The following ME2 variants were observed in gnomAD, a reference collection of about 807,000 sequenced individuals.
ME2 encodes the protein NAD-dependent malic enzyme, mitochondrial.
In ME2, 60 loss-of-function variants were observed where a neutral mutation model predicts 73.7. The observed-to-expected ratio is 0.81, with a 90% confidence interval of 0.66 to 1.01. The LOEUF is 1.01. Ranked by LOEUF, ME2 falls within the 50% of genes least tolerant of loss-of-function variation. The pLI, the probability that ME2 is intolerant of heterozygous loss-of-function variation, is 0.00. For missense variants in ME2, 594 were observed against 705.5 expected, an observed-to-expected ratio of 0.84 and a Z score of 1.79; for synonymous variants, 199 against 236.9, an observed-to-expected ratio of 0.84 and a Z score of 1.47.
intron 2 of ME2, among the ~76,000 whole-genome samples, chr18:50,903,208 C>A (rs1916932286): frequency 6.6e-6 from 1 of 152,144 alleles, no homozygotes. Context: ...ACTAACCAGG[C>A]CATTCATTTT....
chr18:50,891,863 G>T lies in ME2; in HGVS notation c.-12-3946G>T, dbSNP rs1165410433. On this transcript the variant is annotated intron_variant, in intron 1 of 15. Transcript: ENST00000321341. ...GGGTCTCACTCTGTCATCCAGGCTG[G>T]AGTGCAATGGCACAGTCTCGGCTCA... 4.0e-5 allele frequency among the ~76,000 whole-genome samples: 6 copies of T among 151,250 alleles called. No homozygotes were observed. The East Asian group carries it at 1.2e-3, about 29-fold the overall frequency.
chr18:50,954,139 G>A lies in ME2; in HGVS notation c.*6955G>A, dbSNP rs1435435428. 6.6e-6 allele frequency: 1 copy of A among 152,204 alleles called. No homozygotes were observed. The highest frequency in any genetic ancestry group is 1.9e-4 in the East Asian group (1 of 5,206). 9.4% of individuals were successfully genotyped at this position (152,204 alleles called of 1,614,324 possible). On this transcript the variant is annotated 3_prime_UTR_variant, in exon 16 of 16. Transcript: ENST00000321341. ...ATACCAGATTGACTTGTTAAAAATGGTTCCAAGAATCAGTCTAAAAACTTC... is the reference window on the plus strand; with the variant it reads ...ATACCAGATTGACTTGTTAAAAATGATTCCAAGAATCAGTCTAAAAACTTC...
chr18:50,915,987 G>A (rs931855978), intron 4 of ME2, 181 bp from the exon 5 acceptor site: 25 of 528,960 alleles, frequency 4.7e-5, no homozygotes, highest in African/African-American at 4.3e-4. Flanking sequence ...GCTATGAACA[G>A]TAATTACAGT....
intron 2 of ME2, among the ~76,000 whole-genome samples, chr18:50,905,193 G>T (rs1040831289): frequency 1.3e-5 from 2 of 152,024 alleles, no homozygotes; most frequent in African/African-American, 4.8e-5. Flanking sequence ...TACCATGTTG[G>T]CCAGGATGGT....
At chr18:50,916,852 T>G (rs1224221723) in intron 5 of ME2, 1 of 152,378 alleles carries the variant, frequency 6.6e-6, no homozygotes, top group Non-Finnish European at 1.5e-5. Flanking sequence ...CTAGCAAAAA[T>G]TTGGTCAAAT....
rs556120958 is a variant in ME2 at position 50,952,636 on chromosome 18, A to G, written c.*5452A>G. The G allele has an allele frequency of 4.6e-5, 7 of 152,316 alleles. No homozygotes were observed. The East Asian group carries it at 1.4e-3, about 29-fold the overall frequency. The allele number at this position is 152,316 out of a possible 1,614,324, so 9.4% of individuals were successfully genotyped here. On this transcript the variant is annotated 3_prime_UTR_variant, in exon 16 of 16. Coordinates refer to ENST00000321341, the MANE Select transcript of ME2 (RefSeq NM_002396.5). ...ATTCCTCCATTCAGCACACTTTTTA[A>G]TGTTAAGACTAGGGGAAACTTGTGG...
In ME2 at chr18:50,950,266, C is replaced by G. The variant is rs970392100; in HGVS notation, c.*3082C>G. On this transcript the variant is annotated 3_prime_UTR_variant, in exon 16 of 16. Coordinates refer to ENST00000321341, the MANE Select transcript of ME2 (RefSeq NM_002396.5). ...GAAGTTGCCTCAGATCACTGTGAAG[C>G]TTTAAAATGCAGGTGCCTTTGCTCC... 6.6e-6 allele frequency: 1 copy of G among 152,092 alleles called. No homozygotes were observed. The highest frequency in any genetic ancestry group is 1.5e-5 in the Non-Finnish European group (1 of 68,030). 9.4% of individuals were successfully genotyped at this position (152,092 alleles called of 1,614,324 possible). A position where few individuals can be genotyped will look rare whatever the true frequency, so the allele number is the denominator to read the frequency against.
chr18:50,899,234 C>G (rs1483387838), intron 2 of ME2, among the ~76,000 whole-genome samples: 1 of 152,152 alleles, frequency 6.6e-6, no homozygotes, highest in Non-Finnish European at 1.5e-5. Context: ...CATTCCCTAC[C>G]CCCTGAAATA....
At chr18:50,883,919 A>T (rs1599080668) in intron 1 of ME2, among the ~76,000 whole-genome samples, 1 of 152,174 alleles carries the variant, frequency 6.6e-6, no homozygotes, top group East Asian at 1.9e-4. Context: ...GTCATTCAAA[A>T]TTCGAATCCC....
chr18:50,918,810 A>G (rs181216512), intron 7 of ME2, among the ~76,000 whole-genome samples: 1 of 151,270 alleles, frequency 6.6e-6, no homozygotes, highest in African/African-American at 2.4e-5. Context: ...ACCTTTATGC[A>G]TGTTACTACT....
intron 4 of ME2, 80 bp downstream of exon 4, chr18:50,913,030 A>G (rs1204116840): frequency 7.8e-7 from 1 of 1,274,852 alleles, no homozygotes; most frequent in Non-Finnish European, 1.1e-6. Context: ...TTACATTTCT[A>G]TTTTATGTTT....
rs1419926416 is a variant in ME2 at position 50,952,751 on chromosome 18, CGTT to C, written c.*5569_*5571del. On this transcript the variant is annotated 3_prime_UTR_variant, in exon 16 of 16. Coordinates refer to ENST00000321341, the MANE Select transcript of ME2 (RefSeq NM_002396.5). ...GTTTTAAGTATATATTCAAGCAAAT[CGTT>C]GATTCCTATACAGCCATTGGATTAT... The C allele has an allele frequency of 6.6e-6, 1 of 152,148 alleles. No individual in the cohort carries two copies. Among genetic ancestry groups the C allele is most frequent in the Non-Finnish European group, 1.5e-5 (1 of 68,022 alleles). 9.4% of individuals were successfully genotyped at this position (152,148 alleles called of 1,614,324 possible).
chr18:50,897,765 C>CA (rs891741863), intron 2 of ME2, among the ~76,000 whole-genome samples: 27 of 151,886 alleles, frequency 1.8e-4, no homozygotes, highest in African/African-American at 6.0e-4. Flanking sequence ...GAGGCTGAGG[C>CA]AGGAGAATCG....
intron 3 of ME2, among the ~76,000 whole-genome samples, chr18:50,910,783 G>A (rs1834774452): frequency 6.6e-6 from 1 of 152,244 alleles, no homozygotes; most frequent in African/African-American, 2.4e-5. Context: ...GGGTAGTACA[G>A]TGATAAATCA....
intron 11 of ME2, among the ~76,000 whole-genome samples, chr18:50,924,708 T>C (rs1260060407): frequency 1.3e-5 from 2 of 151,940 alleles, no homozygotes; most frequent in African/African-American, 4.8e-5. Flanking sequence ...TTTTTGTTTT[T>C]TTTTTTGAGA....
chr18:50,935,403 A>C (rs1917792436), intron 13 of ME2: 1 of 152,064 alleles, frequency 6.6e-6, no homozygotes, highest in African/African-American at 2.4e-5. Context: ...TAAAAACTTA[A>C]GACAAGTACC....
intron 1 of ME2, among the ~76,000 whole-genome samples, chr18:50,892,570 A>G (rs1916631921): frequency 6.6e-6 from 1 of 152,176 alleles, no homozygotes; most frequent in East Asian, 1.9e-4. Context: ...TAGGTATTTT[A>G]TAATTTGTAT....
At chr18:50,915,428 G>C (rs1333169599) in intron 4 of ME2, 1 of 152,012 alleles carries the variant, frequency 6.6e-6, no homozygotes, top group African/African-American at 2.4e-5. Context: ...CCTCGGTGGA[G>C]GGGCAGAGGT....
At chr18:50,927,751 T>TATATATATATATATATATAC (rs1316314513) in intron 12 of ME2, among the ~76,000 whole-genome samples, 8 of 123,292 alleles carry the variant, frequency 6.5e-5, no homozygotes, top group East Asian at 2.4e-4. Flanking sequence ...TATATATATA[T>TATATATATATATATATATAC]ACACACCACA....
Sources: allele counts gnomAD v4.1 joint callset (sites outside exome capture counted in the v4.1 genomes callset), GRCh38; gene constraint gnomAD v4.1.1; transcripts MANE v1.5; gene names NCBI Gene and HGNC (gene_info 2026-07-23, HGNC 2026-07-21).